Variants in FUS observed in about 807,000 individuals in gnomAD.
FUS encodes FUS RNA binding protein, also known as RNA-binding protein FUS.
In FUS, 5 loss-of-function variants were observed where a neutral mutation model predicts 82.7. That is an observed-to-expected ratio of 0.06 (90% CI 0.03 to 0.13). The LOEUF is 0.13. Among genes scored for constraint, FUS ranks in the 10% least tolerant of loss-of-function variants. The pLI is 1.00. For missense variants in FUS, 512 were observed against 707.8 expected, an observed-to-expected ratio of 0.72 and a Z score of 3.14; for synonymous variants, 281 against 247.4, an observed-to-expected ratio of 1.14 and a Z score of -1.27.
intron 12 of FUS, 104 bp downstream of exon 12, chr16:31,190,502 C>G: frequency 6.5e-7 from 1 of 1,550,056 alleles, no homozygotes; most frequent in South Asian, 1.1e-5. Flanking sequence ...ATGTCAAGGC[C>G]ACACTGTTGG....
chr16:31,192,236 C>T, downstream of FUS: 1 of 525,988 alleles, frequency 1.9e-6, no homozygotes, highest in Non-Finnish European at 3.7e-6. Flanking sequence ...AGATTTTAGG[C>T]TTGATCCCTT....
intron 13 of FUS, 22 bp downstream of exon 13, chr16:31,190,864 C>A (rs764462349): frequency 9.9e-6 from 16 of 1,613,254 alleles, no homozygotes; most frequent in Non-Finnish European, 1.1e-5. Context: ...AGACCTGGTG[C>A]TAGGGAGCTG....
rs927334142 is a variant in FUS at position 31,182,896 on chromosome 16, A to G, written c.190+232A>G. The G allele has an allele frequency of 5.8e-6, 3 of 519,972 alleles. No homozygotes were observed. The East Asian group carries it at 1.1e-4, about 19-fold the overall frequency. 32.2% of individuals were successfully genotyped at this position (519,972 alleles called of 1,614,324 possible). A position where few individuals can be genotyped will look rare whatever the true frequency, so the allele number is the denominator to read the frequency against. On this transcript the variant is annotated intron_variant, in intron 3 of 14. Transcript: ENST00000254108. ...CACGCCTGGCTAATTTTGTGTTTTT[A>G]GTAGAGATGGGGTTTCACCGTGTTG...
chr16:31,182,492 G>A (rs757235226), intron 2 of FUS, 21 bp from the exon 3 acceptor site: 5 of 1,614,054 alleles, frequency 3.1e-6, no homozygotes, highest in East Asian at 4.5e-5. Flanking sequence ...TTCTGATCAC[G>A]CTGGTTTTCC....
At chr16:31,191,798 AATG>A (rs1168176269), downstream of FUS, 1 of 577,518 alleles carries the variant, frequency 1.7e-6, no homozygotes, top group Non-Finnish European at 3.3e-6. Flanking sequence ...ATAAATGAGA[AATG>A]AAGAACATGG....
downstream of FUS, chr16:31,191,772 T>C (rs1567479706): frequency 1.7e-6 from 1 of 600,030 alleles, no homozygotes; most frequent in East Asian, 3.4e-5. Flanking sequence ...TTTTCTGTCA[T>C]GGGGAAAGTT....
chr16:31,181,071 G>A (rs1336336297), intron 1 of FUS, among the ~76,000 whole-genome samples: 1 of 152,144 alleles, frequency 6.6e-6, no homozygotes, highest in African/African-American at 2.4e-5. Context: ...CGCCACCACA[G>A]CCCGGCTAAT....
At chr16:31,191,177 G>T in intron 14 of FUS, 67 bp downstream of exon 14, 1 of 1,588,548 alleles carries the variant, frequency 6.3e-7, no homozygotes, top group Non-Finnish European at 8.6e-7. Context: ...ACAGGGTTTT[G>T]TTGAGAAAGT....
chr16:31,194,249 G>T (rs1465133051), downstream of FUS: 1 of 530,526 alleles, frequency 1.9e-6, no homozygotes, highest in Non-Finnish European at 3.6e-6. Flanking sequence ...TTGACTCACT[G>T]ATCTACCTTT....
chr16:31,186,515 C>T (rs766899411), intron 6 of FUS: 12 of 510,718 alleles, frequency 2.3e-5, no homozygotes, highest in African/African-American at 7.6e-5. Flanking sequence ...TCTGCTCCAT[C>T]GGAAGAACGA....
chr16:31,194,816 A>G (rs1271425583), downstream of FUS: 1 of 479,130 alleles, frequency 2.1e-6, no homozygotes, highest in Non-Finnish European at 4.1e-6. Flanking sequence ...TGTTTTGTGA[A>G]TAATCAGACC....
downstream of FUS, chr16:31,191,952 T>C (rs2079367987): frequency 1.9e-6 from 1 of 533,488 alleles, no homozygotes; most frequent in Admixed American, 2.2e-5. Context: ...CTTTTAATGG[T>C]GAGGCTCAAA....
At chr16:31,192,693 T>C (rs1567481111), downstream of FUS, 1 of 481,120 alleles carries the variant, frequency 2.1e-6, no homozygotes, top group African/African-American at 2.0e-5. Flanking sequence ...AATCCCAGCT[T>C]CTGAGTAGCT....
intron 1 of FUS, among the ~76,000 whole-genome samples, chr16:31,181,025 G>T (rs1180238463): frequency 1.3e-5 from 2 of 152,000 alleles, no homozygotes; most frequent in Non-Finnish European, 2.9e-5. Context: ...TGATTCTTCT[G>T]CCTCAGCCTC....
At chr16:31,191,723 G>A (rs1178850238), downstream of FUS, 3 of 661,004 alleles carry the variant, frequency 4.5e-6, no homozygotes, top group Non-Finnish European at 8.3e-6. Flanking sequence ...AGTGTTCGGG[G>A]AGAAGGCCAA....
At chr16:31,183,162 G>T (rs1346538716) in intron 3 of FUS, 1 of 194,156 alleles carries the variant, frequency 5.2e-6, no homozygotes, top group African/African-American at 2.4e-5. Context: ...TGAGGAGGCT[G>T]AGGCGGGAGG....
chr16:31,192,151 A>G (rs536729616), downstream of FUS: 23 of 528,672 alleles, frequency 4.4e-5, no homozygotes, highest in Middle Eastern at 1.0e-3. Flanking sequence ...GATACCTGCT[A>G]TAAGGAGACT....
At chr16:31,185,643 C>A in intron 6 of FUS, 1 of 482,824 alleles carries the variant, frequency 2.1e-6, no homozygotes, top group Non-Finnish European at 4.1e-6. Context: ...TTCCCGTTTT[C>A]TATAGTCATT....
At position 31,185,085 on chromosome 16, in the gene FUS, G is replaced by A. The variant is rs139909611; in HGVS notation, c.670G>A (p.Gly224Ser). The A allele has an allele frequency of 3.1e-6, 5 of 1,599,970 alleles. No homozygotes were observed. Among genetic ancestry groups the A allele is most frequent in the East Asian group, 2.3e-5 (1 of 44,348 alleles). The change falls in exon 6 of 15, where the codon GGC (glycine) becomes AGC (serine). Residue 224 changes from glycine (G) to serine (S), a missense_variant. Physicochemically the swap from Gly to Ser is moderately conservative, Grantham distance 56. Transcript: ENST00000254108. Reference protein sequence around the residue: ...GGRGRGGSGGGGGGGGGGYNR... With the variant: ...GGRGRGGSGGSGGGGGGGYNR... ...CCGCGGCAGGGGTGGCAGTGGTGGC[G>A]GCGGCGGCGGCGGCGGTGGTGGTTA...
Sources: allele counts gnomAD v4.1 joint callset (sites outside exome capture counted in the v4.1 genomes callset), GRCh38; gene constraint gnomAD v4.1.1; transcripts MANE v1.5; gene names NCBI Gene and HGNC (gene_info 2026-07-23, HGNC 2026-07-21).